ZFHX3: variants seen among roughly 807,000 people sequenced by gnomAD.
ZFHX3 encodes zinc finger homeobox 3.
In ZFHX3, 42 loss-of-function variants were observed where a neutral mutation model predicts 279.1. The ratio of observed to expected loss-of-function variants is 0.15; its 90% CI spans 0.12 to 0.19. ZFHX3 has a LOEUF of 0.19. ZFHX3 is among the 10% of genes least tolerant of loss of function. The pLI is 1.00. For missense variants in ZFHX3, 4,981 were observed against 4,754.0 expected, an observed-to-expected ratio of 1.05 and a Z score of -1.40; for synonymous variants, 2,293 against 1,957.8, an observed-to-expected ratio of 1.17 and a Z score of -4.52.
rs574722896 is a variant in ZFHX3, at chr16:73,168,219, C to A, written c.-1103-24388G>T. ...CACTATAGTTTCTTTTGTTTTCTTT[C>A]TTTCTTTCTTTCTTTCTTTCTTTCT... On this transcript the variant is annotated intron_variant, in intron 5 of 17. Transcript: ENST00000641206. 6.5e-4 allele frequency among the ~76,000 whole-genome samples: 74 copies of A among 114,514 alleles called. 1 individual carries two copies. The highest frequency in any genetic ancestry group is 2.1e-3 in the African/African-American group (58 of 27,076). The allele number at this position is 114,514 out of a possible 152,430, so 75.1% of individuals were successfully genotyped here. A position where few individuals can be genotyped will look rare whatever the true frequency, so the allele number is the denominator to read the frequency against.
At chr16:73,625,202 G>A (rs923949368) in intron 2 of ZFHX3, among the ~76,000 whole-genome samples, 1 of 152,216 alleles carries the variant, frequency 6.6e-6, no homozygotes, top group African/African-American at 2.4e-5. Flanking sequence ...ATTTGGGTTT[G>A]TAAATTACGC....
chr16:73,774,113 G>A (rs181996110), intron 1 of ZFHX3, among the ~76,000 whole-genome samples: 1 of 151,742 alleles, frequency 6.6e-6, no homozygotes, highest in Non-Finnish European at 1.5e-5. Flanking sequence ...CTAGCTGACA[G>A]AGCAATATAC....
intron 5 of ZFHX3, among the ~76,000 whole-genome samples, chr16:73,190,710 A>G (rs1968011122): frequency 6.6e-6 from 1 of 152,212 alleles, no homozygotes; most frequent in South Asian, 2.1e-4. Context: ...ATGAAATGCC[A>G]GCACTGATAT....
intron 5 of ZFHX3, among the ~76,000 whole-genome samples, chr16:73,235,411 C>T (rs888929572): frequency 1.3e-5 from 2 of 152,128 alleles, no homozygotes; most frequent in Non-Finnish European, 2.9e-5. Flanking sequence ...CCACTCTATC[C>T]TCAGAAACAA....
At chr16:73,487,031 C>G (rs1024234853) in intron 2 of ZFHX3, 1 of 334,610 alleles carries the variant, frequency 3.0e-6, no homozygotes. Context: ...ACAGCAATAA[C>G]AGAACTAAAA....
intron 2 of ZFHX3, among the ~76,000 whole-genome samples, chr16:73,579,371 G>C (rs1293287200): frequency 1.3e-5 from 2 of 152,156 alleles, no homozygotes; most frequent in Non-Finnish European, 2.9e-5. Context: ...TGTGTCATGG[G>C]TGCATCCTTA....
intron 4 of ZFHX3, among the ~76,000 whole-genome samples, chr16:73,292,855 A>G (rs142444023): frequency 6.6e-6 from 1 of 152,284 alleles, no homozygotes; most frequent in Non-Finnish European, 1.5e-5. Flanking sequence ...GCTAGGAGGT[A>G]TTCCTCGGGC....
At chr16:73,088,132 C>T (rs912275854) in intron 8 of ZFHX3, among the ~76,000 whole-genome samples, 1 of 136,138 alleles carries the variant, frequency 7.3e-6, no homozygotes, top group African/African-American at 2.7e-5. Flanking sequence ...CTGGCCTAAA[C>T]TTTCATTTCA....
At chr16:72,946,859 T>C (rs1362064550) in intron 3 of ZFHX3, among the ~76,000 whole-genome samples, 1 of 152,164 alleles carries the variant, frequency 6.6e-6, no homozygotes, top group East Asian at 1.9e-4. Context: ...CATTTACATG[T>C]GAAAGCAGAA....
At chr16:73,121,782 A>AT (rs1294748908) in intron 7 of ZFHX3, among the ~76,000 whole-genome samples, 2 of 151,636 alleles carry the variant, frequency 1.3e-5, no homozygotes, top group East Asian at 1.9e-4. Context: ...CACCCGGCTA[A>AT]TTTTTTGTAT....
chr16:73,083,755 C>T (rs1597150903), intron 8 of ZFHX3, among the ~76,000 whole-genome samples: 1 of 152,132 alleles, frequency 6.6e-6, no homozygotes, highest in African/African-American at 2.4e-5. Flanking sequence ...GTCTCAAACT[C>T]CTGGGCTCAA....
intron 3 of ZFHX3, among the ~76,000 whole-genome samples, chr16:73,397,118 A>T (rs187659623): frequency 1.5e-4 from 23 of 152,308 alleles, no homozygotes; most frequent in African/African-American, 5.5e-4. Flanking sequence ...TTTGTTACTT[A>T]CATGGATGTC....
At chr16:73,592,097 T>C (rs908671482) in intron 2 of ZFHX3, among the ~76,000 whole-genome samples, 1 of 152,008 alleles carries the variant, frequency 6.6e-6, no homozygotes, top group African/African-American at 2.4e-5. Flanking sequence ...CTGGGCGTGG[T>C]GGTGCATGCC....
chr16:73,831,237 T>C (rs1046137736), intron 1 of ZFHX3, among the ~76,000 whole-genome samples: 2 of 152,138 alleles, frequency 1.3e-5, no homozygotes, highest in African/African-American at 4.8e-5. Flanking sequence ...AATCACATAA[T>C]TGATGGCAAG....
chr16:73,713,763 A>G (rs1314060358), intron 1 of ZFHX3, among the ~76,000 whole-genome samples: 5 of 152,014 alleles, frequency 3.3e-5, no homozygotes, highest in Non-Finnish European at 7.3e-5. Flanking sequence ...TCACGCTTTG[A>G]CACCAGCACA....
At position 72,959,390 on chromosome 16, in the gene ZFHX3, T is replaced by C. The variant is rs1308727692; in HGVS notation, c.756A>G (p.Lys252=). The change falls in exon 2 of 10, where the codon AAA becomes AAG. Residue 252 remains lysine, a synonymous_variant. Coordinates refer to ENST00000268489, the MANE Select transcript of ZFHX3 (RefSeq NM_006885.4). ...GAACATCTTTGGATACGCAGGAGCT[T>C]TTGGCAGAACCGTCGCTGTTCAGGT... The part of the protein sequence containing the change: ...KDYLNSDGSA[K]SSCVSKDVPN... 4 of 1,614,106 alleles carry C rather than the reference T, an allele frequency of 2.5e-6. No homozygotes were observed. The South Asian group carries it at 4.4e-5, about 18-fold the overall frequency.
At chr16:73,003,758 A>G (rs1398638316) in intron 1 of ZFHX3, among the ~76,000 whole-genome samples, 1 of 152,058 alleles carries the variant, frequency 6.6e-6, no homozygotes, top group Non-Finnish European at 1.5e-5. Context: ...ATTGTATAGT[A>G]TTTTACTAGT....
At chr16:73,444,154 C>T (rs1597337638) in intron 3 of ZFHX3, among the ~76,000 whole-genome samples, 2 of 152,286 alleles carry the variant, frequency 1.3e-5, no homozygotes, top group Non-Finnish European at 1.5e-5. Context: ...AAATATTAGA[C>T]AAAATACTCC....
chr16:73,078,795 C>A (rs780960426), intron 8 of ZFHX3, among the ~76,000 whole-genome samples: 1 of 152,062 alleles, frequency 6.6e-6, no homozygotes, highest in African/African-American at 2.4e-5. Context: ...CAGGCGTCCG[C>A]CACCATGCCA....
Sources: gnomAD v4.1 joint callset for allele counts (sites outside exome capture counted in the v4.1 genomes callset) on GRCh38, gnomAD v4.1.1 for gene constraint, MANE v1.5 for transcripts, NCBI Gene and HGNC (gene_info 2026-07-23, HGNC 2026-07-21) for gene names.